Variants in MYO5A observed in about 807,000 individuals in gnomAD.
MYO5A encodes unconventional myosin-Va.
A neutral mutation model predicts 249.7 loss-of-function variants in MYO5A; 98 were observed. The observed-to-expected ratio is 0.39, with a 90% confidence interval of 0.33 to 0.46. The LOEUF (loss-of-function observed/expected upper bound fraction) is 0.46. Among genes scored for constraint, MYO5A ranks in the 20% least tolerant of loss-of-function variants. MYO5A has a pLI of 0.98. For missense variants in MYO5A, 1,696 were observed against 2,308.8 expected (o/e 0.73, Z 5.44); for synonymous variants, 778 against 810.6 (o/e 0.96, Z 0.68).
At chr15:52,515,050 GGAGGAT>G (rs1453391307) in intron 1 of MYO5A, among the ~76,000 whole-genome samples, 1 of 152,128 alleles carries the variant, frequency 6.6e-6, no homozygotes, top group African/African-American at 2.4e-5. Flanking sequence ...GGCCAGGGTG[GGAGGAT>G]CACTTGAGCC....
intron 9 of MYO5A, among the ~76,000 whole-genome samples, chr15:52,399,269 G>A (rs1171379804): frequency 6.6e-6 from 1 of 152,146 alleles, no homozygotes; most frequent in Admixed American, 6.6e-5. Context: ...GTATATAGAA[G>A]TTTAGCACTA....
At chr15:52,349,676 T>C (rs537326029) in intron 28 of MYO5A, among the ~76,000 whole-genome samples, 69 of 152,326 alleles carry the variant, frequency 4.5e-4, no homozygotes, top group African/African-American at 1.5e-3. Context: ...ACCCCATAAA[T>C]ATATACAATT....
At chr15:52,336,308 C>T (rs1487651891) in intron 34 of MYO5A, among the ~76,000 whole-genome samples, 155 bp downstream of exon 34, 1 of 152,188 alleles carries the variant, frequency 6.6e-6, no homozygotes, top group Non-Finnish European at 1.5e-5. Context: ...ATGTAAATTT[C>T]TACTCAAAAG....
chr15:52,494,988 C>T (rs147763477), intron 1 of MYO5A, among the ~76,000 whole-genome samples: 121 of 152,262 alleles, frequency 7.9e-4, no homozygotes, highest in African/African-American at 2.8e-3. Context: ...TTTCCTTCTA[C>T]TATCTACAAG....
At position 52,528,780 on chromosome 15, in the gene MYO5A, C is replaced by G; in HGVS notation, c.27G>C (p.Lys9Asn). 6.6e-7 allele frequency: 1 copy of G among 1,506,566 alleles called. No homozygotes were observed. The highest frequency in any genetic ancestry group is 8.8e-7 in the Non-Finnish European group (1 of 1,134,450). 93.3% of individuals were successfully genotyped at this position (1,506,566 alleles called of 1,614,324 possible). A position where few individuals can be genotyped will look rare whatever the true frequency, so the allele number is the denominator to read the frequency against. Residue 9 changes from lysine to asparagine, a missense_variant and splice_region_variant, in exon 1 of 42, where the codon AAG (lysine) becomes AAC (asparagine). Around this residue, in one of 5 missense-constraint regions of MYO5A, gnomAD observed 197 missense variants for 320.3 expected, o/e 0.62. Transcript: ENST00000399233. ...CGACGCCGGCCGCGGGGTGCCTTACCTTTGTGTAGAGCTCCGACGCAGCCA... is the reference window on the plus strand; with the variant it reads ...CGACGCCGGCCGCGGGGTGCCTTACGTTTGTGTAGAGCTCCGACGCAGCCA... MAASELYT[K>N]FARVWIPDPE... is the part of the protein sequence containing the mutation.
At chr15:52,415,883 AG>A in intron 5 of MYO5A, 1 of 486,268 alleles carries the variant, frequency 2.1e-6, no homozygotes, top group South Asian at 2.2e-5. Flanking sequence ...CCTGGTATTT[AG>A]GGGCAACAAT....
chr15:52,314,669 G>T (rs541155603), intron 40 of MYO5A, among the ~76,000 whole-genome samples: 1 of 151,910 alleles, frequency 6.6e-6, no homozygotes. Context: ...TATCTCTTTT[G>T]AATGTTTTTT....
rs184322888 is a variant in MYO5A at position 52,370,137 on chromosome 15, G to A, written c.3066+32C>T. The A allele has an allele frequency of 1.1e-4, 176 of 1,613,032 alleles. No individual in the cohort carries two copies. In the African/African-American group the frequency reaches 1.8e-3, roughly 16 times the overall value. Reference sequence around the variant, plus strand: ...ATGACAGCACCTCTCTTTTGTGTACGGAGTAGATGGGGATATGGACATTAT... The same window carrying A: ...ATGACAGCACCTCTCTTTTGTGTACAGAGTAGATGGGGATATGGACATTAT... On this transcript the variant is annotated intron_variant, in intron 22 of 41. Coordinates refer to ENST00000399233, the MANE Select transcript of MYO5A (RefSeq NM_001382347.1).
rs2305420 is a variant in MYO5A at position 52,383,415 on chromosome 15, T to G, written c.1915-227A>C. Among the ~76,000 whole-genome samples, 67 of 152,346 alleles carry G rather than the reference T, an allele frequency of 4.4e-4. 1 individual carries two copies. In the East Asian group the frequency reaches 7.1e-3, roughly 16 times the overall value. On this transcript the variant is annotated intron_variant, in intron 15 of 41. Coordinates refer to ENST00000399233, the MANE Select transcript of MYO5A (RefSeq NM_001382347.1). ...CATGCTTACTCTGCTAAATATAGAT[T>G]CCTATACTCCCACTCCTTTTCCCCA...
intron 11 of MYO5A, among the ~76,000 whole-genome samples, chr15:52,393,811 T>C (rs2042368166): frequency 1.3e-5 from 2 of 152,220 alleles, no homozygotes; most frequent in Admixed American, 1.3e-4. Flanking sequence ...TTTTGATTAA[T>C]GAGAAGGCAA....
At chr15:52,432,415 C>A (rs2075560017) in intron 2 of MYO5A, among the ~76,000 whole-genome samples, 1 of 152,352 alleles carries the variant, frequency 6.6e-6, no homozygotes, top group African/African-American at 2.4e-5. Context: ...CCTTAAGCAA[C>A]TGGTCATGGC....
chr15:52,436,989 C>T (rs1286718749), intron 1 of MYO5A, among the ~76,000 whole-genome samples: 1 of 152,180 alleles, frequency 6.6e-6, no homozygotes, highest in African/African-American at 2.4e-5. Context: ...GGCTTACGCA[C>T]ATAGAAACTT....
intron 1 of MYO5A, among the ~76,000 whole-genome samples, chr15:52,440,493 C>A (rs996696024): frequency 6.6e-6 from 1 of 152,178 alleles, no homozygotes; most frequent in Admixed American, 6.5e-5. Context: ...GTCTTGAACC[C>A]CTGACCTCAG....
chr15:52,516,368 T>C (rs929022185), intron 1 of MYO5A, among the ~76,000 whole-genome samples: 5 of 152,212 alleles, frequency 3.3e-5, no homozygotes, highest in Non-Finnish European at 7.3e-5. Context: ...GAACCACACA[T>C]TTGACTGAGC....
At position 52,353,605 on chromosome 15, in the gene MYO5A, C is replaced by T; in HGVS notation, c.3621G>A (p.Lys1207=). 1.2e-6 allele frequency: 2 copies of T among 1,613,746 alleles called. No individual in the cohort carries two copies. The highest frequency in any genetic ancestry group is 1.7e-6 in the Non-Finnish European group (2 of 1,179,618). Residue 1207 remains lysine (K), a splice_region_variant and synonymous_variant, in exon 27 of 42, where the codon AAG becomes AAA. Coordinates refer to ENST00000399233, the MANE Select transcript of MYO5A (RefSeq NM_001382347.1). ...RGAELEYESL[K]RQELESENKK... ...GTCTTGAGCAGAAACTCCCCATTAC[C>T]TTGAGTGACTCATATTCCAGTTCTG... is the stretch of plus-strand genomic sequence containing the variant.
chr15:52,520,060 T>G (rs2077585274), intron 1 of MYO5A, among the ~76,000 whole-genome samples: 1 of 152,124 alleles, frequency 6.6e-6, no homozygotes, highest in Admixed American at 6.5e-5. Flanking sequence ...AAAATGATTC[T>G]CTAGGGGAAA....
intron 24 of MYO5A, among the ~76,000 whole-genome samples, chr15:52,362,197 T>C (rs1426261496): frequency 6.6e-6 from 1 of 152,210 alleles, no homozygotes; most frequent in Non-Finnish European, 1.5e-5. Flanking sequence ...CTTTGGCCCA[T>C]GTATCACATA....
intron 27 of MYO5A, 26 bp downstream of exon 27, chr15:52,353,579 A>C: frequency 6.2e-7 from 1 of 1,606,804 alleles, no homozygotes; most frequent in East Asian, 2.2e-5. Flanking sequence ...AAATATTCAA[A>C]GTCTTGAGCA....
At chr15:52,438,346 G>A (rs534710789) in intron 1 of MYO5A, among the ~76,000 whole-genome samples, 1 of 152,248 alleles carries the variant, frequency 6.6e-6, no homozygotes, top group Middle Eastern at 3.4e-3. Flanking sequence ...AGTGTGAGTC[G>A]GGCAGGAATC....
Sources: gnomAD v4.1 joint callset for allele counts (sites outside exome capture counted in the v4.1 genomes callset) on GRCh38, gnomAD v4.1.1 for gene constraint, gnomAD v4.1.1 regional missense constraint, MANE v1.5 for transcripts, NCBI Gene and HGNC (gene_info 2026-07-23, HGNC 2026-07-21) for gene names.